The following ARHGEF7 variants were observed in gnomAD, a reference collection of about 807,000 sequenced individuals.
ARHGEF7 encodes Rho guanine nucleotide exchange factor 7.
In ARHGEF7, 33 loss-of-function variants were observed where a neutral mutation model predicts 109.8. The observed-to-expected ratio is 0.30, with a 90% CI of 0.23 to 0.40. The LOEUF (loss-of-function observed/expected upper bound fraction) is 0.40, where lower values mean the gene tolerates loss of function less well. ARHGEF7 is among the 10% of genes least tolerant of loss of function. ARHGEF7 has a pLI of 1.00. For missense variants in ARHGEF7, 938 were observed against 1,098.5 expected (o/e 0.85, Z 2.07); for synonymous variants, 458 against 424.6 (o/e 1.08, Z -0.97).
Position 111,237,336 on chromosome 13 carries a change from A to G in ARHGEF7, c.759+4043A>G, listed in dbSNP as rs150730733. 9.0e-4 allele frequency among the ~76,000 whole-genome samples: 137 copies of G among 152,344 alleles called. 2 individuals are homozygous for G. The East Asian group carries it at 0.022, about 24-fold the overall frequency. On this transcript the variant is annotated intron_variant, in intron 6 of 21. Transcript: ENST00000646102. ...AAACACTAAGGCTTTGAAAAAAAATAGTTAAACTCACCATAAAAATTTTAA... is the reference window on the plus strand; with the variant it reads ...AAACACTAAGGCTTTGAAAAAAAATGGTTAAACTCACCATAAAAATTTTAA...
rs781127090 is a variant in ARHGEF7 at position 111,286,158 on chromosome 13, G to A, written c.1962G>A (p.Lys654=). The A allele has an allele frequency of 1.1e-5, 18 of 1,612,900 alleles. No homozygotes were observed. Among genetic ancestry groups the A allele is most frequent in the Non-Finnish European group, 1.4e-5 (16 of 1,179,112 alleles). The stretch of plus-strand genomic sequence containing the variant: ...TTGTCTTTCCCTAGGATCTTAGTAA[G>A]AGCCCTAAGACCATGAAAAAGCTGC... ...AALCYKEDLS[K]SPKTMKKLLP... The change falls in exon 17 of 22, where the codon AAG becomes AAA. Residue 654 remains lysine, a synonymous_variant. Transcript: ENST00000646102.
rs903234277 is a variant in ARHGEF7, at chr13:111,121,388, T to G, written c.165+5697T>G. 2.0e-5 allele frequency among the ~76,000 whole-genome samples: 3 copies of G among 151,114 alleles called. No individual in the cohort carries two copies. In the South Asian group the frequency reaches 6.3e-4, roughly 32 times the overall value. ...TTCCACTTAGTCCAAGATTTCAAAC[T>G]GTGTGCATCTACACCACACACACTT... On this transcript the variant is annotated intron_variant, in intron 1 of 21. Transcript: ENST00000646102.
intron 18 of ARHGEF7, among the ~76,000 whole-genome samples, chr13:111,291,217 C>T (rs760540370): frequency 1.3e-5 from 2 of 152,256 alleles, no homozygotes; most frequent in Admixed American, 6.5e-5. Flanking sequence ...GAGACCCTGG[C>T]GGCCCAGCCT....
At chr13:111,230,661 G>A (rs149143371) in intron 5 of ARHGEF7, among the ~76,000 whole-genome samples, 1,641 of 152,166 alleles carry the variant, frequency 0.011, 16 homozygotes, top group Non-Finnish European at 0.018. Flanking sequence ...CACCTTGGGC[G>A]TTTGTGGAAA....
At chr13:111,174,746 G>A (rs1054904344) in intron 2 of ARHGEF7, among the ~76,000 whole-genome samples, 1 of 152,254 alleles carries the variant, frequency 6.6e-6, no homozygotes, top group African/African-American at 2.4e-5. Flanking sequence ...AGCTGTGCTA[G>A]CGGTCTGGTC....
At chr13:111,189,112 T>C (rs1028007941) in intron 2 of ARHGEF7, among the ~76,000 whole-genome samples, 2 of 152,214 alleles carry the variant, frequency 1.3e-5, no homozygotes, top group Non-Finnish European at 2.9e-5. Flanking sequence ...GGAAAAAGGA[T>C]AGGAGGTTGG....
intron 15 of ARHGEF7, among the ~76,000 whole-genome samples, chr13:111,281,263 G>A (rs1337474020): frequency 7.2e-6 from 1 of 138,658 alleles, no homozygotes; most frequent in Non-Finnish European, 1.5e-5. Flanking sequence ...ACCTCTCCTG[G>A]TGTTTTGTGC....
In ARHGEF7 at chr13:111,283,281, C is replaced by T. The variant is rs1326883859; in HGVS notation, c.1868C>T (p.Pro623Leu). Residue 623 changes from proline to leucine, a missense_variant, in exon 16 of 22, where the codon CCG (proline) becomes CTG (leucine). Around this residue, in one of 4 missense-constraint regions of ARHGEF7, gnomAD observed 585 missense variants for 723.6 expected, o/e 0.81. Coordinates refer to ENST00000646102, the MANE Select transcript of ARHGEF7 (RefSeq NM_001354046.2). The part of the protein sequence containing the change: ...TTINWGPLEP[P>L]KTPKPWSLSC... ...ATCAACTGGGGACCCCTGGAGCCTC[C>T]GAAAACACCCAAGCCCTGGAGCCTG... 2.5e-6 allele frequency: 4 copies of T among 1,578,922 alleles called. No homozygotes were observed. The highest frequency in any genetic ancestry group is 3.4e-6 in the Non-Finnish European group (4 of 1,165,930).
intron 18 of ARHGEF7, among the ~76,000 whole-genome samples, chr13:111,289,534 A>G (rs1270719876): frequency 6.6e-6 from 1 of 152,216 alleles, no homozygotes; most frequent in African/African-American, 2.4e-5. Flanking sequence ...GTATTATCTC[A>G]GCATAGAAAC....
chr13:111,269,157 C>A (rs1406138614), intron 9 of ARHGEF7, among the ~76,000 whole-genome samples: 1 of 152,244 alleles, frequency 6.6e-6, no homozygotes, highest in East Asian at 1.9e-4. Context: ...TGCCCCTACC[C>A]CTGGGCTGTG....
rs61385346 is a variant in ARHGEF7 at position 111,179,448 on chromosome 13, T to TAGTA, written c.252+25458_252+25459insGTAA. 6.6e-3 allele frequency among the ~76,000 whole-genome samples: 1,003 copies of TAGTA among 152,330 alleles called. 9 individuals are homozygous for TAGTA. Among genetic ancestry groups the TAGTA allele is most frequent in the African/African-American group, 0.023 (970 of 41,566 alleles). ...GTCATGTTGTAGATCCCATGATCCT[T>TAGTA]ACCTCTGAATACTTCAGCATGTGTA... is the stretch of plus-strand genomic sequence containing the variant. On this transcript the variant is annotated intron_variant, in intron 2 of 21. Coordinates refer to ENST00000646102, the MANE Select transcript of ARHGEF7 (RefSeq NM_001354046.2).
At chr13:111,164,488 AG>A (rs2153400528) in intron 2 of ARHGEF7, among the ~76,000 whole-genome samples, 1 of 152,358 alleles carries the variant, frequency 6.6e-6, no homozygotes, top group South Asian at 2.1e-4. Flanking sequence ...GTTGCCACAC[AG>A]GGCCCTGTGC....
chr13:111,237,498 T>C (rs1318386694), intron 6 of ARHGEF7, among the ~76,000 whole-genome samples: 2 of 152,242 alleles, frequency 1.3e-5, no homozygotes, highest in Admixed American at 6.5e-5. Context: ...GTGATCAAGT[T>C]CTTTAATTTA....
At chr13:111,233,801 T>G (rs1379351859) in intron 6 of ARHGEF7, among the ~76,000 whole-genome samples, 1 of 152,194 alleles carries the variant, frequency 6.6e-6, no homozygotes, top group African/African-American at 2.4e-5. Context: ...CAGGTGTTTC[T>G]GGATCCTAAA....
intron 1 of ARHGEF7, among the ~76,000 whole-genome samples, chr13:111,147,791 G>A (rs1223252193): frequency 2.8e-5 from 4 of 143,266 alleles, no homozygotes; most frequent in Non-Finnish European, 4.5e-5. Context: ...TCCGCCTCCC[G>A]GGTTCACGCC....
intron 2 of ARHGEF7, among the ~76,000 whole-genome samples, chr13:111,194,777 C>A (rs915853151): frequency 2.6e-5 from 4 of 152,162 alleles, no homozygotes; most frequent in African/African-American, 9.7e-5. Context: ...ACCCTTGGGC[C>A]AAGACTGTCC....
chr13:111,238,029 C>T (rs953726552), intron 6 of ARHGEF7, among the ~76,000 whole-genome samples: 11 of 152,076 alleles, frequency 7.2e-5, no homozygotes, highest in Non-Finnish European at 7.4e-5. Flanking sequence ...TGGAGAGTGA[C>T]GGGGAAGGGA....
intron 4 of ARHGEF7, among the ~76,000 whole-genome samples, chr13:111,214,464 A>T (rs1012059501): frequency 6.6e-6 from 1 of 152,368 alleles, no homozygotes; most frequent in Admixed American, 6.5e-5. Flanking sequence ...TGTTTTCCAC[A>T]AGGCCGGCGT....
chr13:111,175,569 G>A (rs1021807188), intron 2 of ARHGEF7, among the ~76,000 whole-genome samples: 1 of 152,202 alleles, frequency 6.6e-6, no homozygotes, highest in East Asian at 1.9e-4. Flanking sequence ...AGCTTTTGGG[G>A]GAAGGACTGG....
Sources: gnomAD v4.1 joint callset for allele counts (sites outside exome capture counted in the v4.1 genomes callset) on GRCh38, gnomAD v4.1.1 for gene constraint, gnomAD v4.1.1 regional missense constraint, MANE v1.5 for transcripts, NCBI Gene and HGNC (gene_info 2026-07-23, HGNC 2026-07-21) for gene names.